OPCML: variants seen among roughly 807,000 people sequenced by gnomAD.
The protein encoded by OPCML is opioid-binding protein/cell adhesion molecule.
A neutral mutation model predicts 37.8 loss-of-function variants in OPCML; 13 were observed. That is an observed-to-expected ratio of 0.34 (90% CI 0.22 to 0.55). The LOEUF (loss-of-function observed/expected upper bound fraction) is 0.55, where lower values mean the gene tolerates loss of function less well. OPCML is among the 20% of genes least tolerant of loss of function. The pLI is 0.91. For synonymous variants in OPCML, 176 were observed against 168.8 expected (o/e 1.04, Z -0.33); for missense variants, 341 against 435.6 (o/e 0.78, Z 1.93).
intron 1 of OPCML, among the ~76,000 whole-genome samples, chr11:133,414,439 G>T (rs1945716947): frequency 6.6e-6 from 1 of 152,148 alleles, no homozygotes; most frequent in African/African-American, 2.4e-5. Context: ...GCCTCGCCTT[G>T]CTTTCAGTCA....
chr11:133,307,062 T>C (rs1206896462), intron 1 of OPCML, among the ~76,000 whole-genome samples: 23 of 152,162 alleles, frequency 1.5e-4, no homozygotes. Context: ...TGGACGGTCA[T>C]GGTCACCTCT....
chr11:133,068,986 A>G (rs376870644), intron 1 of OPCML, among the ~76,000 whole-genome samples: 1 of 152,242 alleles, frequency 6.6e-6, no homozygotes, highest in Non-Finnish European at 1.5e-5. Flanking sequence ...AGTTACTTAC[A>G]TTATCAGAGA....
chr11:132,528,996 T>C (rs2096316211), intron 4 of OPCML, 65 bp downstream of exon 4: 1 of 930,034 alleles, frequency 1.1e-6, no homozygotes, highest in Admixed American at 2.1e-5. Flanking sequence ...TGAAGCTCTG[T>C]TGTGCATAAG....
rs1037330660 is a variant in OPCML at position 132,804,993 on chromosome 11, T to C, written c.146+137933A>G. Reference sequence around the variant, plus strand: ...ATATTTAAAGCAGCCATTATAAATATAGTCAAAGAATTAAATAAAAATGTG... The same window carrying C: ...ATATTTAAAGCAGCCATTATAAATACAGTCAAAGAATTAAATAAAAATGTG... On this transcript the variant is annotated intron_variant, in intron 2 of 7. Coordinates refer to ENST00000524381, the MANE Select transcript of OPCML (RefSeq NM_001012393.5). 9.2e-5 allele frequency among the ~76,000 whole-genome samples: 14 copies of C among 152,338 alleles called. No homozygotes were observed. In the East Asian group the frequency reaches 1.9e-3, roughly 21 times the overall value.
chr11:133,102,164 T>C (rs1949093091), intron 1 of OPCML, among the ~76,000 whole-genome samples: 1 of 152,160 alleles, frequency 6.6e-6, no homozygotes, highest in African/African-American at 2.4e-5. Flanking sequence ...CCATAGAATA[T>C]ACAACATCAA....
chr11:133,369,340 G>C (rs1944622608), intron 1 of OPCML, among the ~76,000 whole-genome samples: 1 of 152,186 alleles, frequency 6.6e-6, no homozygotes, highest in African/African-American at 2.4e-5. Context: ...TAAATTCTTA[G>C]TAGGCAGTAC....
chr11:133,255,807 G>A (rs1159520714), intron 1 of OPCML, among the ~76,000 whole-genome samples: 1 of 151,778 alleles, frequency 6.6e-6, no homozygotes, highest in Admixed American at 6.6e-5. Flanking sequence ...CCTATGGCTG[G>A]CAGTAGAAAG....
chr11:133,235,039 G>A (rs189246629), intron 1 of OPCML, among the ~76,000 whole-genome samples: 1 of 152,070 alleles, frequency 6.6e-6, no homozygotes. Context: ...TTGAATGACC[G>A]ACAGCAGTAT....
intron 1 of OPCML, among the ~76,000 whole-genome samples, chr11:133,304,111 C>G (rs576471134): frequency 6.6e-6 from 1 of 152,154 alleles, no homozygotes; most frequent in Non-Finnish European, 1.5e-5. Context: ...GATGTTCGCA[C>G]AAGGGAATAC....
intron 1 of OPCML, among the ~76,000 whole-genome samples, chr11:133,414,615 T>C (rs1337727510): frequency 6.6e-6 from 1 of 152,132 alleles, no homozygotes; most frequent in African/African-American, 2.4e-5. Flanking sequence ...GCCCTGTGCA[T>C]TTAGGAATCC....
rs1230655418 is a variant in OPCML at position 132,745,580 on chromosome 11, AAAAG to A, written c.147-88265_147-88262del. 3.0e-3 allele frequency among the ~76,000 whole-genome samples: 264 copies of A among 87,502 alleles called. 3 individuals carry two copies. The highest frequency in any genetic ancestry group is 8.0e-3 in the East Asian group (38 of 4,750). The allele number at this position is 87,502 out of a possible 152,430, so 57.4% of individuals were successfully genotyped here. A position where few individuals can be genotyped will look rare whatever the true frequency, so the allele number is the denominator to read the frequency against. ...CTGTCTTGCAAAAAAAAAAAAAAAA[AAAAG>A]AAAGAAAGAAAGAAAGAAAGAAAAA... On this transcript the variant is annotated intron_variant, in intron 2 of 7. Transcript: ENST00000524381.
chr11:133,258,978 C>T (rs541056432), intron 1 of OPCML, among the ~76,000 whole-genome samples: 77 of 152,272 alleles, frequency 5.1e-4, no homozygotes, highest in Non-Finnish European at 7.1e-4. Context: ...CCTCAAGGCC[C>T]GGGCAGAAGG....
chr11:132,489,740 G>A (rs1359918013), intron 4 of OPCML, among the ~76,000 whole-genome samples: 1 of 152,000 alleles, frequency 6.6e-6, no homozygotes, highest in Non-Finnish European at 1.5e-5. Context: ...TGTTACATAG[G>A]TATACATGTG....
chr11:133,227,075 G>A (rs910716317), intron 1 of OPCML, among the ~76,000 whole-genome samples: 6 of 152,122 alleles, frequency 3.9e-5, no homozygotes, highest in Non-Finnish European at 7.3e-5. Context: ...GGAGACCGTC[G>A]TGTTAGGGGG....
intron 3 of OPCML, among the ~76,000 whole-genome samples, chr11:132,589,267 C>A (rs1240262428): frequency 1.3e-5 from 2 of 152,154 alleles, no homozygotes; most frequent in African/African-American, 4.8e-5. Flanking sequence ...CACCCAACAC[C>A]ACTTTAATAA....
intron 1 of OPCML, among the ~76,000 whole-genome samples, chr11:133,169,037 G>A (rs1950252772): frequency 1.3e-5 from 2 of 152,130 alleles, no homozygotes; most frequent in Non-Finnish European, 2.9e-5. Context: ...GGTTGAGGCA[G>A]GATAATCGCT....
intron 1 of OPCML, among the ~76,000 whole-genome samples, chr11:133,390,388 G>C (rs971990045): frequency 6.6e-6 from 1 of 152,142 alleles, no homozygotes; most frequent in Admixed American, 6.5e-5. Context: ...GCGTGAACCC[G>C]GGAGGTGGAG....
chr11:132,861,422 A>G (rs1942294768), intron 2 of OPCML, among the ~76,000 whole-genome samples: 1 of 152,254 alleles, frequency 6.6e-6, no homozygotes, highest in Admixed American at 6.5e-5. Flanking sequence ...TATGTATTCA[A>G]AAATGTCTAC....
chr11:132,487,851 G>T (rs1404744088), intron 4 of OPCML, among the ~76,000 whole-genome samples: 1 of 152,200 alleles, frequency 6.6e-6, no homozygotes, highest in African/African-American at 2.4e-5. Context: ...TTGCATTACT[G>T]CTTTCTAATA....
Sources: gnomAD v4.1 joint callset for allele counts (sites outside exome capture counted in the v4.1 genomes callset) on GRCh38, gnomAD v4.1.1 for gene constraint, MANE v1.5 for transcripts, NCBI Gene and HGNC (gene_info 2026-07-23, HGNC 2026-07-21) for gene names.